The following CSMD2 variants were observed in gnomAD, a reference collection of about 807,000 sequenced individuals.
CSMD2 encodes the protein CUB and sushi domain-containing protein 2.
A neutral mutation model predicts 398.5 loss-of-function variants in CSMD2; 130 were observed. The observed-to-expected ratio is 0.33, with a 90% confidence interval of 0.28 to 0.38. The LOEUF (loss-of-function observed/expected upper bound fraction) is 0.38, where lower values mean the gene tolerates loss of function less well. CSMD2 is among the 10% of genes least tolerant of loss of function. The pLI is 1.00. For synonymous variants in CSMD2, 1,828 were observed against 1,908.5 expected (o/e 0.96, Z 1.10); for missense variants, 3,829 against 4,764.9 (o/e 0.80, Z 5.78).
Position 33,600,963 on chromosome 1 carries a change from C to A in CSMD2, c.6758G>T (p.Ser2253Ile), listed in dbSNP as rs201941971. 1 of 1,614,170 alleles carries A rather than the reference C, an allele frequency of 6.2e-7. No individual in the cohort carries two copies. Residue 2253 changes from serine to isoleucine, a missense_variant, in exon 44 of 71, where the codon AGC (serine) becomes ATC (isoleucine). Coordinates refer to ENST00000373381, the MANE Select transcript of CSMD2 (RefSeq NM_001281956.2). Reference protein sequence around the residue: ...TAPRLGVFTRSMAKKTVQSSS... With the variant: ...TAPRLGVFTRIMAKKTVQSSS... ...ACTCTGCACTGTTTTCTTGGCCATG[C>A]TCCGGGTGAAGACGCCGAGCCGTGG...
intron 39 of CSMD2, among the ~76,000 whole-genome samples, chr1:33,615,786 A>G (rs924427682): frequency 6.6e-6 from 1 of 152,222 alleles, no homozygotes; most frequent in Non-Finnish European, 1.5e-5. Context: ...GACCTGCTCC[A>G]CAGATGCCTA....
chr1:33,547,167 C>T (rs1423980874), intron 56 of CSMD2, among the ~76,000 whole-genome samples: 1 of 152,162 alleles, frequency 6.6e-6, no homozygotes, highest in Non-Finnish European at 1.5e-5. Context: ...TGCTACATTC[C>T]TACATTTCTC....
chr1:33,619,320 T>C (rs1002313913), intron 37 of CSMD2, among the ~76,000 whole-genome samples: 7 of 152,170 alleles, frequency 4.6e-5, no homozygotes, highest in Non-Finnish European at 1.0e-4. Context: ...CAGGCTCCTT[T>C]GGGGGATACA....
chr1:33,521,494 T>C lies in CSMD2; in HGVS notation c.10566A>G (p.Gln3522=), dbSNP rs1487992507. 1.3e-6 allele frequency: 2 copies of C among 1,593,124 alleles called. No homozygotes were observed. The highest frequency in any genetic ancestry group is 2.3e-5 in the East Asian group (1 of 43,460). ...TFIYQGSVKG[Q]GFGQFGFQRL... ...TTTGAAAGCCGAACTGCCCAAAGCC[T>C]TGGCCCTTGACAGAGCCTTGGTAGA... Residue 3522 remains glutamine (Q), a synonymous_variant, in exon 68 of 71, where the codon CAA becomes CAG. Coordinates refer to ENST00000373381, the MANE Select transcript of CSMD2 (RefSeq NM_001281956.2).
chr1:33,908,085 C>CAAAAAAAAAAAAAAAAAAAAAAA (rs35932181), intron 5 of CSMD2, among the ~76,000 whole-genome samples: 1 of 77,166 alleles, frequency 1.3e-5, no homozygotes, highest in African/African-American at 6.1e-5. Flanking sequence ...GACTCCATCT[C>CAAAAAAAAAAAAAAAAAAAAAAA]AAAAAAAAAA....
intron 3 of CSMD2, among the ~76,000 whole-genome samples, chr1:34,014,210 C>T (rs768484801): frequency 3.2e-4 from 48 of 152,220 alleles, no homozygotes; most frequent in South Asian, 2.1e-4. Flanking sequence ...CATTAGACTC[C>T]GGGCCAGTCT....
At chr1:33,936,848 A>T (rs1479913798) in intron 3 of CSMD2, among the ~76,000 whole-genome samples, 1 of 152,192 alleles carries the variant, frequency 6.6e-6, no homozygotes. Flanking sequence ...GGTGAGGAGT[A>T]GGGGTCTTAG....
At chr1:33,750,017 C>T (rs377421152) in intron 13 of CSMD2, among the ~76,000 whole-genome samples, 39 of 152,258 alleles carry the variant, frequency 2.6e-4, no homozygotes, top group African/African-American at 8.4e-4. Context: ...ATGCAAAGTG[C>T]TAGAAAATCA....
At position 33,533,519 on chromosome 1, in the gene CSMD2, C is replaced by T. The variant is rs1489967048; in HGVS notation, c.9991+277G>A. ...AGTAACTGGGTCAAAAGCTTGATATCTCCATCCTGAGGCCTGGCCTTGCAG... is the reference window on the plus strand; with the variant it reads ...AGTAACTGGGTCAAAAGCTTGATATTTCCATCCTGAGGCCTGGCCTTGCAG... On this transcript the variant is annotated intron_variant, in intron 63 of 70. Coordinates refer to ENST00000373381, the MANE Select transcript of CSMD2 (RefSeq NM_001281956.2). This position sits in a 1 kb window ranked among gnomAD's most constrained non-coding sequence, Gnocchi z 4.2. 1.3e-5 allele frequency among the ~76,000 whole-genome samples: 2 copies of T among 152,182 alleles called. No homozygotes were observed. The highest frequency in any genetic ancestry group is 2.4e-5 in the African/African-American group (1 of 41,438).
rs758801514 is a variant in CSMD2, at chr1:33,935,926, T to C, written c.546A>G (p.Pro182=). Reference sequence around the variant, plus strand: ...GCTGGATGCCATTGGGCAGCCTCCCTGGGTTCCCACATGTGTGGCTGGGGA... The same window carrying C: ...GCTGGATGCCATTGGGCAGCCTCCCCGGGTTCCCACATGTGTGGCTGGGGA... ...EVLPSHTCGN[P]GRLPNGIQQG... is the part of the protein sequence containing the mutation. The change falls in exon 4 of 71, where the codon CCA becomes CCG. Residue 182 remains proline (P), a synonymous_variant. Transcript: ENST00000373381. 6.8e-6 allele frequency: 11 copies of C among 1,612,740 alleles called. No individual in the cohort carries two copies. The highest frequency in any genetic ancestry group is 9.3e-6 in the Non-Finnish European group (11 of 1,179,254).
intron 25 of CSMD2, among the ~76,000 whole-genome samples, chr1:33,690,157 C>T (rs1470731373): frequency 6.6e-6 from 1 of 152,164 alleles, no homozygotes; most frequent in African/African-American, 2.4e-5. Flanking sequence ...CTCTGTGCTC[C>T]CCACAGCCTC....
Position 33,820,569 on chromosome 1 carries a change from A to AG in CSMD2, c.1112-14_1112-13insC. The AG allele has an allele frequency of 1.3e-6, 1 of 789,034 alleles. No individual in the cohort carries two copies. The allele number at this position is 789,034 out of a possible 1,614,324, so 48.9% of individuals were successfully genotyped here. On this transcript the variant is annotated splice_polypyrimidine_tract_variant and intron_variant, in intron 7 of 70. Coordinates refer to ENST00000373381, the MANE Select transcript of CSMD2 (RefSeq NM_001281956.2). The stretch of plus-strand genomic sequence containing the variant: ...CCAACCTGAGTTACTACAAGGCAAA[A>AG]AAAAAAAAAAAAAAAAAAACAGCAC...
intron 6 of CSMD2, among the ~76,000 whole-genome samples, chr1:33,835,909 G>T (rs1473478992): frequency 6.6e-6 from 1 of 152,126 alleles, no homozygotes; most frequent in African/African-American, 2.4e-5. Context: ...CTGGTGAGGA[G>T]CTGTGTTCCT....
intron 4 of CSMD2, among the ~76,000 whole-genome samples, chr1:33,928,689 T>A (rs1464140399): frequency 1.3e-5 from 2 of 152,168 alleles, no homozygotes; most frequent in African/African-American, 2.4e-5. Context: ...ATTGCAAAAG[T>A]GATGGAAGGC....
intron 5 of CSMD2, among the ~76,000 whole-genome samples, chr1:33,905,010 G>T (rs2125245930): frequency 6.6e-6 from 1 of 151,658 alleles, no homozygotes; most frequent in African/African-American, 2.4e-5. Context: ...TCCCTATGTT[G>T]CTCAAGCTGG....
In CSMD2 at chr1:33,610,898, G is replaced by A. The variant is rs935344529; in HGVS notation, c.6343+143C>T. ...GTCCGGAGAGATCTGCCACCAAAAG[G>A]AAGCTTCCCTGACTGGGCCTGCCAC... On this transcript the variant is annotated intron_variant, in intron 41 of 70. Transcript: ENST00000373381. 6.9e-6 allele frequency: 5 copies of A among 727,900 alleles called. No individual in the cohort carries two copies. The African/African-American group carries it at 8.8e-5, about 13-fold the overall frequency. The allele number at this position is 727,900 out of a possible 1,614,324, so 45.1% of individuals were successfully genotyped here. A position where few individuals can be genotyped will look rare whatever the true frequency, so the allele number is the denominator to read the frequency against.
intron 5 of CSMD2, among the ~76,000 whole-genome samples, chr1:33,910,673 T>C (rs763234777): frequency 1.3e-5 from 2 of 152,170 alleles, no homozygotes; most frequent in Non-Finnish European, 2.9e-5. Flanking sequence ...TTAGGAAAGA[T>C]ATGCTCCCTT....
rs761655764 is a variant in CSMD2 at position 33,698,817 on chromosome 1, A to G, written c.3861T>C (p.Ser1287=). The G allele has an allele frequency of 1.3e-5, 21 of 1,614,014 alleles. No homozygotes were observed. The highest frequency in any genetic ancestry group is 1.7e-5 in the Non-Finnish European group (20 of 1,180,014). ...SCDPGYSLRG[S]EELLCLSGER... Reference sequence around the variant, plus strand: ...CTCCACTCAGACACAGCAGCTCCTCACTACCCCGCAGGCTGTATCCAGGGT... The same window carrying G: ...CTCCACTCAGACACAGCAGCTCCTCGCTACCCCGCAGGCTGTATCCAGGGT... Residue 1287 remains serine, a synonymous_variant, in exon 24 of 71, where the codon AGT becomes AGC. Coordinates refer to ENST00000373381, the MANE Select transcript of CSMD2 (RefSeq NM_001281956.2).
intron 3 of CSMD2, among the ~76,000 whole-genome samples, chr1:33,985,079 A>G (rs190303528): frequency 1.5e-4 from 23 of 152,308 alleles, no homozygotes; most frequent in African/African-American, 5.1e-4. Context: ...GGACCTCAGA[A>G]TCCATCATAT....
Sources: allele counts gnomAD v4.1 joint callset (sites outside exome capture counted in the v4.1 genomes callset), GRCh38; gene constraint gnomAD v4.1.1; non-coding constraint Gnocchi (gnomAD v3.1); transcripts MANE v1.5; gene names NCBI Gene and HGNC (gene_info 2026-07-23, HGNC 2026-07-21).